Variants in TTC34 observed in about 807,000 individuals in gnomAD.
The protein encoded by TTC34 is tetratricopeptide repeat domain 34.
TTC34 carries 44 observed loss-of-function variants against 40.7 expected under a neutral mutation model. That is an observed-to-expected ratio of 1.08 (90% CI 0.85 to 1.39). TTC34 has a LOEUF of 1.39. Ranked by LOEUF, TTC34 falls within the 40% of genes most tolerant of loss-of-function variation. The probability of loss-of-function intolerance (pLI) is 0.00; values close to 1 mark genes in which losing one functional copy is unlikely to be tolerated. For missense variants in TTC34, 884 were observed against 838.0 expected, an observed-to-expected ratio of 1.05 and a Z score of -0.68; for synonymous variants, 422 against 398.6, an observed-to-expected ratio of 1.06 and a Z score of -0.70.
intron 2 of TTC34, among the ~76,000 whole-genome samples, chr1:2,792,033 T>TA (rs1553171535): frequency 0.031 from 3,290 of 107,096 alleles, 572 homozygotes; most frequent in African/African-American, 0.1. Flanking sequence ...TTTTTTTTTT[T>TA]AAAGACAGGG....
chr1:2,783,012 A>G (rs2100619741), intron 6 of TTC34, among the ~76,000 whole-genome samples: 1 of 152,318 alleles, frequency 6.6e-6, no homozygotes. Flanking sequence ...CCCCCAGCTG[A>G]TTGGGATCTG....
chr1:2,649,262 C>T (rs1337577546), intron 6 of TTC34, among the ~76,000 whole-genome samples: 1 of 152,302 alleles, frequency 6.6e-6, no homozygotes, highest in Non-Finnish European at 1.5e-5. Context: ...AGGTGAGCAT[C>T]TGACAGCCTA....
intron 6 of TTC34, among the ~76,000 whole-genome samples, chr1:2,683,515 C>G (rs1341677235): frequency 1.3e-5 from 2 of 148,684 alleles, no homozygotes; most frequent in South Asian, 2.1e-4. Context: ...ACCCACACCA[C>G]CAGGTGAGCA....
At chr1:2,799,770 C>T (rs893609020) in intron 2 of TTC34, among the ~76,000 whole-genome samples, 2 of 152,208 alleles carry the variant, frequency 1.3e-5, no homozygotes, top group Admixed American at 1.3e-4. Context: ...CTTCTGCTGC[C>T]TGGAACCCTC....
intron 6 of TTC34, among the ~76,000 whole-genome samples, chr1:2,687,083 C>A (rs4648679): frequency 1.3e-4 from 15 of 112,858 alleles, no homozygotes; most frequent in East Asian, 1.3e-3. Context: ...AGGACCCACA[C>A]CCCCAGGTGA....
chr1:2,767,938 G>T (rs1332818657), intron 6 of TTC34, among the ~76,000 whole-genome samples: 2 of 147,474 alleles, frequency 1.4e-5, no homozygotes, highest in African/African-American at 5.0e-5. Context: ...CCCCAAGGTG[G>T]GCATCCGATG....
At chr1:2,787,613 G>A (rs2100626882) in exon 4 of TTC34, 2 of 1,549,942 alleles carry the variant, frequency 1.3e-6, no homozygotes, top group Admixed American at 2.0e-5. Flanking sequence ...GGCCCAGGCG[G>A]TACAGGGCAT....
At chr1:2,755,711 T>G (rs1641481098) in intron 6 of TTC34, among the ~76,000 whole-genome samples, 1 of 14,522 alleles carries the variant, frequency 6.9e-5, no homozygotes, top group Non-Finnish European at 1.2e-4. Flanking sequence ...AACCCACAGG[T>G]GAGCATCCGA....
Position 2,646,404 on chromosome 1 carries a change from A to G in TTC34, c.2227-841T>C, listed in dbSNP as rs866472867. Among the ~76,000 whole-genome samples, 8 of 152,278 alleles carry G rather than the reference A, an allele frequency of 5.3e-5. No individual in the cohort carries two copies. The South Asian group carries it at 1.7e-3, about 32-fold the overall frequency. On this transcript the variant is annotated intron_variant, in intron 6 of 8. Coordinates refer to ENST00000401095, the Ensembl canonical transcript of TTC34. ...GTGAATTAATTATATATATATTTTG[A>G]GACAGGGTCTCTGTCTGTTGCCCAG...
chr1:2,749,618 G>C (rs1400828689), intron 6 of TTC34, among the ~76,000 whole-genome samples: 39 of 40,436 alleles, frequency 9.6e-4, no homozygotes, highest in African/African-American at 1.4e-3. Context: ...AGGTGTGCAT[G>C]TGATGGTCTG....
chr1:2,694,995 C>T (rs967430988), intron 6 of TTC34, among the ~76,000 whole-genome samples: 1 of 146,838 alleles, frequency 6.8e-6, no homozygotes, highest in Non-Finnish European at 1.5e-5. Flanking sequence ...CCCTGCACCC[C>T]CAGGTGAGGA....
At chr1:2,674,775 C>A (rs1219454177) in intron 6 of TTC34, among the ~76,000 whole-genome samples, 1 of 80,616 alleles carries the variant, frequency 1.2e-5, no homozygotes, top group Non-Finnish European at 2.8e-5. Flanking sequence ...AGGCGAGCAT[C>A]CGATGACCTG....
chr1:2,686,456 TG>T (rs2100341002), intron 6 of TTC34, among the ~76,000 whole-genome samples: 1 of 142,482 alleles, frequency 7.0e-6, no homozygotes, highest in South Asian at 2.2e-4. Context: ...GGTGAGCATC[TG>T]ACAGACTGGA....
In TTC34 at chr1:2,752,089, C is replaced by G. The variant is rs1314201703; in HGVS notation, c.2226+31520G>C. Among the ~76,000 whole-genome samples, 2 of 107,940 alleles carry G rather than the reference C, an allele frequency of 1.9e-5. 1 individual carries two copies. Among genetic ancestry groups the G allele is most frequent in the Admixed American group, 2.0e-4 (2 of 10,240 alleles). 70.8% of individuals were successfully genotyped at this position (107,940 alleles called of 152,430 possible). The stretch of plus-strand genomic sequence containing the variant: ...CTGAACGCACGGAGCAGCACCCACA[C>G]CTTCAGGCGAGCATCGGACAGCCTG... On this transcript the variant is annotated intron_variant, in intron 6 of 8. Coordinates refer to ENST00000401095, the Ensembl canonical transcript of TTC34.
intron 6 of TTC34, among the ~76,000 whole-genome samples, chr1:2,652,253 T>C (rs1222565540): frequency 6.6e-6 from 1 of 150,652 alleles, no homozygotes; most frequent in South Asian, 2.1e-4. Flanking sequence ...CACCCCCAGG[T>C]GAGCATCCGA....
intron 6 of TTC34, among the ~76,000 whole-genome samples, chr1:2,683,423 C>A (rs1444563870): frequency 4.9e-4 from 57 of 115,658 alleles, no homozygotes; most frequent in Admixed American, 7.7e-4. Context: ...CCTGGAACAC[C>A]ACCCTTCACC....
intron 6 of TTC34, among the ~76,000 whole-genome samples, chr1:2,752,659 G>C (rs1171798824): frequency 5.7e-5 from 8 of 139,800 alleles, no homozygotes; most frequent in Admixed American, 7.2e-5. Flanking sequence ...ACACCCCCAG[G>C]CGAGCATCTG....
Position 2,645,685 on chromosome 1 carries a change from A to C in TTC34, c.2227-122T>G. On this transcript the variant is annotated intron_variant, in intron 6 of 8. Transcript: ENST00000401095. The surrounding 1 kb of genome is among the most constrained non-coding windows in gnomAD (Gnocchi z 4.7). ...CCTGATCTTCTCCCTGGGGTCCTAG[A>C]GGGTCTGAACACCCAGCTTCCTGCC... The C allele has an allele frequency of 9.1e-7, 1 of 1,101,826 alleles. No individual in the cohort carries two copies. Among genetic ancestry groups the C allele is most frequent in the Non-Finnish European group, 1.2e-6 (1 of 828,116 alleles). 68.3% of individuals were successfully genotyped at this position (1,101,826 alleles called of 1,614,324 possible). A position where few individuals can be genotyped will look rare whatever the true frequency, so the allele number is the denominator to read the frequency against.
intron 6 of TTC34, among the ~76,000 whole-genome samples, chr1:2,779,377 G>A (rs1432060116): frequency 6.6e-6 from 1 of 151,834 alleles, no homozygotes; most frequent in African/African-American, 2.4e-5. Flanking sequence ...AGGCTGGAGT[G>A]CAGTGGCAGG....
Sources: allele counts gnomAD v4.1 joint callset (sites outside exome capture counted in the v4.1 genomes callset), GRCh38; gene constraint gnomAD v4.1.1; non-coding constraint Gnocchi (gnomAD v3.1); transcripts MANE v1.5; gene names NCBI Gene and HGNC (gene_info 2026-07-23, HGNC 2026-07-21).